XPNPEP2: variants seen among roughly 807,000 people sequenced by gnomAD.
XPNPEP2 encodes the protein xaa-Pro aminopeptidase 2.
In XPNPEP2, 64 loss-of-function variants were observed where a neutral mutation model predicts 59.8. The ratio of observed to expected loss-of-function variants is 1.07; its 90% CI spans 0.87 to 1.32. XPNPEP2 has a LOEUF of 1.32. Ranked by LOEUF, XPNPEP2 falls within the 40% of genes most tolerant of loss-of-function variation. The probability of loss-of-function intolerance (pLI) is 0.00; values close to 1 mark genes in which losing one functional copy is unlikely to be tolerated. For missense variants in XPNPEP2, 575 were observed against 546.8 expected (o/e 1.05, Z -0.51); for synonymous variants, 235 against 210.0 (o/e 1.12, Z -1.03).
In XPNPEP2 at chrX:129,742,111, G is replaced by C. The variant is rs748740819; in HGVS notation, c.53G>C (p.Cys18Ser). Residue 18 changes from cysteine to serine, a missense_variant, in exon 2 of 21, where the codon TGT (cysteine) becomes TCT (serine). By Grantham distance (112) the Cys-to-Ser change is moderately radical. Transcript: ENST00000371106. Reference sequence around the variant, plus strand: ...GGATTTTTCTCCCGGCTTCTAGCTTGTGCCTGGGGCCACACAAAGCCAGTG... The same window carrying C: ...GGATTTTTCTCCCGGCTTCTAGCTTCTGCCTGGGGCCACACAAAGCCAGTG... ...CCPWLVLLCA[C>S]AWGHTKPVDL... 8 of 1,208,276 alleles carry C rather than the reference G, an allele frequency of 6.6e-6. No individual in the cohort carries two copies. The highest frequency in any genetic ancestry group is 7.8e-6 in the Non-Finnish European group (7 of 894,041).
chrX:129,751,096 A>ACCC (rs1926383731), intron 8 of XPNPEP2, among the ~76,000 whole-genome samples: 1 of 23,854 alleles, frequency 4.2e-5, no homozygotes, highest in Non-Finnish European at 9.7e-5. Context: ...AAAGACGCCC[A>ACCC]CTCCCCCACC....
rs747617940 is a variant in XPNPEP2 at position 129,744,021 on chromosome X, C to T, written c.184C>T (p.Gln62Ter). ...MSLTALRQQM[Q>*]TQNLSAYIIP... ...ACTCACAGCCCTCCGCCAGCAGATG[C>T]AGACCCAGAATCTCTCAGCCTACAT... Residue 62 changes from glutamine to a stop codon, truncating the protein, a stop_gained, in exon 3 of 21, where the codon CAG becomes TAG. Transcript: ENST00000371106. LOFTEE classifies it high-confidence loss of function. 1.7e-6 allele frequency: 2 copies of T among 1,212,086 alleles called. No individual in the cohort carries two copies. Among genetic ancestry groups the T allele is most frequent in the East Asian group, 5.9e-5 (2 of 33,883 alleles).
At chrX:129,740,793 T>A (rs750827170) in intron 1 of XPNPEP2, among the ~76,000 whole-genome samples, 45 of 107,643 alleles carry the variant, frequency 4.2e-4, no homozygotes, top group African/African-American at 1.4e-3. Context: ...ATACAAAAAT[T>A]AGCTGGGTGT....
intron 15 of XPNPEP2, among the ~76,000 whole-genome samples, chrX:129,760,238 C>T (rs770290348): frequency 3.0e-4 from 34 of 112,506 alleles, no homozygotes; most frequent in Non-Finnish European, 2.6e-4. Context: ...CTCGGTTCAC[C>T]GCCACCAAGT....
At chrX:129,768,244 T>G in intron 20 of XPNPEP2, 47 bp from the exon 21 acceptor site, 1 of 1,116,179 alleles carries the variant, frequency 9.0e-7, no homozygotes, top group Non-Finnish European at 1.2e-6. Context: ...ACTTCACCTC[T>G]TGGCAGCTTG....
chrX:129,762,853 A>G, intron 19 of XPNPEP2, 83 bp downstream of exon 19: 1 of 867,940 alleles, frequency 1.2e-6, no homozygotes, highest in Non-Finnish European at 1.7e-6. Context: ...GGGGAGGAAG[A>G]TCAAAGGAGA....
In XPNPEP2 at chrX:129,746,598, G is replaced by A. The variant is rs1926301555; in HGVS notation, c.407G>A (p.Gly136Asp). ...DCNWELHKEV[G>D]TTPIVTWLLT... The stretch of plus-strand genomic sequence containing the variant: ...TTGCTTCCTATCTTTCTTTCAGTTG[G>A]CACCACTCCTATTGTCACCTGGCTC... The change falls in exon 6 of 21, where the codon GGC (glycine) becomes GAC (aspartate). Residue 136 changes from glycine to aspartate, a missense_variant. Physicochemically the swap from Gly to Asp is moderately conservative, Grantham distance 94. Transcript: ENST00000371106. The A allele has an allele frequency of 9.9e-6, 12 of 1,210,098 alleles. No homozygotes were observed. The highest frequency in any genetic ancestry group is 1.3e-5 in the Non-Finnish European group (12 of 894,727).
chrX:129,754,623 G>A, intron 12 of XPNPEP2, 42 bp downstream of exon 12: 1 of 1,094,614 alleles, frequency 9.1e-7, no homozygotes, highest in African/African-American at 1.8e-5. Context: ...CTGTCTTTTA[G>A]TGTGGCAGTG....
chrX:129,761,874 C>A, intron 17 of XPNPEP2, 132 bp from the exon 18 acceptor site: 2 of 624,440 alleles, frequency 3.2e-6, no homozygotes, highest in Non-Finnish European at 5.3e-6. Context: ...CCCAGGCAGA[C>A]AATGATGTGA....
intron 19 of XPNPEP2, 114 bp downstream of exon 19, chrX:129,762,884 A>G: frequency 1.5e-6 from 1 of 650,096 alleles, no homozygotes; most frequent in Non-Finnish European, 2.5e-6. Flanking sequence ...GTGTGCAGGC[A>G]TGAATTTATC....
intron 14 of XPNPEP2, among the ~76,000 whole-genome samples, chrX:129,757,796 G>GAAGA (rs57433903): frequency 0.19 from 6,342 of 33,442 alleles, 851 homozygotes; most frequent in Middle Eastern, 0.22. Flanking sequence ...ACTATAAAAG[G>GAAGA]AAGAAAGAAA....
At position 129,759,162 on chromosome X, in the gene XPNPEP2, G is replaced by T. The variant is rs745937380; in HGVS notation, c.1368-18G>T. On this transcript the variant is annotated intron_variant, in intron 14 of 20. Transcript: ENST00000371106. ...CCTAGCCCCAGGCATTTGGCATGTT[G>T]GTTTTCCTTCTCCATAGGGACGGGA... is the stretch of plus-strand genomic sequence containing the variant. 3.3e-6 allele frequency: 4 copies of T among 1,209,580 alleles called. No homozygotes were observed. Among genetic ancestry groups the T allele is most frequent in the Non-Finnish European group, 4.5e-6 (4 of 894,942 alleles).
intron 3 of XPNPEP2, among the ~76,000 whole-genome samples, chrX:129,744,560 A>G (rs1434930127): frequency 8.9e-6 from 1 of 111,783 alleles, no homozygotes; most frequent in Non-Finnish European, 1.9e-5. Context: ...TCCACCCTCC[A>G]CACCATCCAC....
At chrX:129,760,055 T>C (rs1926627877) in intron 15 of XPNPEP2, among the ~76,000 whole-genome samples, 1 of 112,407 alleles carries the variant, frequency 8.9e-6, no homozygotes, top group Non-Finnish European at 1.9e-5. Context: ...ATGCACGCTG[T>C]TGGCAGCACC....
intron 10 of XPNPEP2, 26 bp from the exon 11 acceptor site, chrX:129,753,133 C>T (rs768356220): frequency 8.4e-6 from 10 of 1,192,312 alleles, no homozygotes; most frequent in African/African-American, 1.8e-5. Context: ...CCCCAGACCT[C>T]CTTTTCTCCT....
intron 13 of XPNPEP2, 142 bp downstream of exon 13, chrX:129,755,513 A>G: frequency 1.9e-6 from 1 of 533,914 alleles, no homozygotes; most frequent in South Asian, 3.0e-5. Context: ...GGGGGCTGGG[A>G]GAGGAGCTCA....
intron 14 of XPNPEP2, among the ~76,000 whole-genome samples, chrX:129,756,996 C>CTATATATATA (rs61273791): frequency 5.5e-4 from 39 of 70,419 alleles, no homozygotes; most frequent in Admixed American, 2.8e-3. Context: ...CCATGCCCAG[C>CTATATATATA]TATATATATA....
chrX:129,762,771 G>T lies in XPNPEP2; in HGVS notation c.1740+1G>T. ...TCTCGTGGTAGAAGCAAAGACCAAGGTAAACTGCCACCAGGATGGGCTGGA... is the reference window on the plus strand; with the variant it reads ...TCTCGTGGTAGAAGCAAAGACCAAGTTAAACTGCCACCAGGATGGGCTGGA... On this transcript the variant is annotated splice_donor_variant, in intron 19 of 20. Transcript: ENST00000371106. LOFTEE classifies it high-confidence loss of function. 12 of 1,209,697 alleles carry T rather than the reference G, an allele frequency of 9.9e-6. No individual in the cohort carries two copies. Among genetic ancestry groups the T allele is most frequent in the Non-Finnish European group, 1.3e-5 (12 of 893,423 alleles).
Position 129,746,595 on chromosome X carries a change from T to C in XPNPEP2, c.404T>C (p.Val135Ala). 1.7e-6 allele frequency: 2 copies of C among 1,210,499 alleles called. No individual in the cohort carries two copies. Among genetic ancestry groups the C allele is most frequent in the Non-Finnish European group, 2.2e-6 (2 of 894,780 alleles). The part of the protein sequence containing the change: ...MDCNWELHKE[V>A]GTTPIVTWLL... Reference sequence around the variant, plus strand: ...GCATTGCTTCCTATCTTTCTTTCAGTTGGCACCACTCCTATTGTCACCTGG... The same window carrying C: ...GCATTGCTTCCTATCTTTCTTTCAGCTGGCACCACTCCTATTGTCACCTGG... The change falls in exon 6 of 21, where the codon GTT becomes GCT. Residue 135 changes from valine (V) to alanine (A), a missense_variant and splice_region_variant. Val to Ala is a moderately conservative substitution (Grantham distance 64, BLOSUM62 0). Coordinates refer to ENST00000371106, the MANE Select transcript of XPNPEP2 (RefSeq NM_003399.6).
Sources: allele counts gnomAD v4.1 joint callset (sites outside exome capture counted in the v4.1 genomes callset), GRCh38; gene constraint gnomAD v4.1.1; transcripts MANE v1.5; gene names NCBI Gene and HGNC (gene_info 2026-07-23, HGNC 2026-07-21).